The following GET4 variants were observed in gnomAD, a reference collection of about 807,000 sequenced individuals.
The protein encoded by GET4 is Golgi to ER traffic protein 4 homolog.
Under a neutral mutation model 40.0 loss-of-function variants are expected in GET4, and 20 were observed. The observed-to-expected ratio is 0.50, with a 90% CI of 0.35 to 0.73. The LOEUF (loss-of-function observed/expected upper bound fraction) is 0.73, where lower values mean the gene tolerates loss of function less well. Ranked by LOEUF, GET4 falls within the 30% of genes least tolerant of loss-of-function variation. The probability of loss-of-function intolerance (pLI) is 0.01; values close to 1 mark genes in which losing one functional copy is unlikely to be tolerated. For synonymous variants in GET4, 280 were observed against 194.6 expected (o/e 1.44, Z -3.65); for missense variants, 557 against 454.0 (o/e 1.23, Z -2.06).
chr7:883,375 A>T, intron 1 of GET4: 2 of 301,832 alleles, frequency 6.6e-6, no homozygotes, highest in Non-Finnish European at 9.8e-6. Context: ...GCCAAGAGAG[A>T]AGGGCGGGAT....
At chr7:892,085 G>C (rs1844337003) in intron 5 of GET4, among the ~76,000 whole-genome samples, 193 bp from the exon 6 acceptor site, 1 of 152,278 alleles carries the variant, frequency 6.6e-6, no homozygotes, top group African/African-American at 2.4e-5. Flanking sequence ...CTCTTCACCT[G>C]TGAATTGCAG....
At chr7:891,946 T>C (rs1844332676) in intron 5 of GET4, among the ~76,000 whole-genome samples, 1 of 152,248 alleles carries the variant, frequency 6.6e-6, no homozygotes, top group Admixed American at 6.5e-5. Context: ...TGGCGGAGTG[T>C]TCTGGTGCGG....
At chr7:888,624 C>T (rs564219745) in intron 4 of GET4, among the ~76,000 whole-genome samples, 1 of 152,364 alleles carries the variant, frequency 6.6e-6, no homozygotes, top group East Asian at 1.9e-4. Context: ...TATCTCTTGC[C>T]TCAGTCTCCC....
chr7:891,408 T>G (rs112602461), intron 5 of GET4, among the ~76,000 whole-genome samples: 54 of 152,144 alleles, frequency 3.5e-4, no homozygotes, highest in Non-Finnish European at 7.4e-4. Context: ...CGTGGAATTG[T>G]GAGCATCTAC....
At chr7:878,104 A>G in intron 1 of GET4, 1 of 334,618 alleles carries the variant, frequency 3.0e-6, no homozygotes, top group East Asian at 7.9e-5. Flanking sequence ...TGCCGAACCG[A>G]GTCAGCCGCC....
intron 3 of GET4, 138 bp from the exon 4 acceptor site, chr7:887,232 A>T: frequency 1.1e-6 from 1 of 883,900 alleles, no homozygotes; most frequent in Non-Finnish European, 1.9e-6. Context: ...GTGGTGGTCC[A>T]CGGCTCACTC....
chr7:890,821 C>T, intron 4 of GET4, 107 bp from the exon 5 acceptor site: 1 of 904,532 alleles, frequency 1.1e-6, no homozygotes, highest in Non-Finnish European at 1.8e-6. Context: ...GGGCTCTCCT[C>T]CAGGGCGGGC....
At position 895,841 on chromosome 7, in the gene GET4, C is replaced by T. The variant is rs886991855; in HGVS notation, c.*419C>T. 1 of 154,718 alleles carries T rather than the reference C, an allele frequency of 6.5e-6. No individual in the cohort carries two copies. The highest frequency in any genetic ancestry group is 1.9e-4 in the East Asian group (1 of 5,312). The allele number at this position is 154,718 out of a possible 1,614,324, so 9.6% of individuals were successfully genotyped here. On this transcript the variant is annotated 3_prime_UTR_variant, in exon 9 of 9. Coordinates refer to ENST00000265857, the MANE Select transcript of GET4 (RefSeq NM_015949.3). Reference sequence around the variant, plus strand: ...CCAAAGCAGGTGCTGGCCCTCGGACCTGAGAGCCCAGCCAGGGCCCATGTG... The same window carrying T: ...CCAAAGCAGGTGCTGGCCCTCGGACTTGAGAGCCCAGCCAGGGCCCATGTG...
chr7:878,196 A>G lies in GET4; in HGVS notation c.155+1396A>G, dbSNP rs1300881833. ...GAGCAGAGCTGGCTATGCTGGGTTA[A>G]CTGCACGCCCCTCGGGACTGTGACC... is the stretch of plus-strand genomic sequence containing the variant. On this transcript the variant is annotated intron_variant, in intron 1 of 8. Coordinates refer to ENST00000265857, the MANE Select transcript of GET4 (RefSeq NM_015949.3). 1.1e-5 allele frequency: 5 copies of G among 463,802 alleles called. No homozygotes were observed. The East Asian group carries it at 2.8e-4, about 26-fold the overall frequency. 28.7% of individuals were successfully genotyped at this position (463,802 alleles called of 1,614,324 possible).
At chr7:889,451 G>C (rs923194859) in intron 4 of GET4, among the ~76,000 whole-genome samples, 3 of 152,244 alleles carry the variant, frequency 2.0e-5, no homozygotes, top group Admixed American at 2.0e-4. Context: ...GGAGTGGAGG[G>C]AGACAGCAGG....
intron 1 of GET4, chr7:884,795 T>G (rs1844155381): frequency 6.3e-6 from 1 of 158,764 alleles, no homozygotes; most frequent in African/African-American, 2.4e-5. Context: ...TTTGTTTGTT[T>G]GTTTTGGGGG....
intron 1 of GET4, 42 bp from the exon 2 acceptor site, chr7:886,014 G>A (rs377145459): frequency 9.4e-5 from 112 of 1,191,688 alleles, no homozygotes; most frequent in Middle Eastern, 1.9e-4. Flanking sequence ...GCGCGGTGGC[G>A]AGGGCACGTG....
At chr7:892,993 G>C (rs10237578) in intron 6 of GET4, among the ~76,000 whole-genome samples, 120,381 of 149,476 alleles carry the variant, frequency 0.81, 48,600 homozygotes, top group East Asian at 1. Flanking sequence ...AAGTGTTGGG[G>C]GCGGGCGTGG....
At chr7:894,530 A>G (rs986582538) in intron 8 of GET4, among the ~76,000 whole-genome samples, 3 of 152,044 alleles carry the variant, frequency 2.0e-5, no homozygotes, top group Non-Finnish European at 4.4e-5. Context: ...GTCCTGTGGC[A>G]GGCCCTGTCC....
In GET4 at chr7:890,938, T is replaced by C. The variant is rs144728016; in HGVS notation, c.477T>C (p.Tyr159=). Residue 159 remains tyrosine, a synonymous_variant, in exon 5 of 9, where the codon TAT becomes TAC. Transcript: ENST00000265857. The part of the protein sequence containing the change: ...LALTLWKEQN[Y]CESRYHFLHS... The stretch of plus-strand genomic sequence containing the variant: ...GTCTTTCCTTTGCAGAACAAAACTA[T>C]TGTGAGTCGAGGTATCATTTTCTGC... 10 of 1,605,678 alleles carry C rather than the reference T, an allele frequency of 6.2e-6. No homozygotes were observed. The highest frequency in any genetic ancestry group is 1.7e-5 in the Admixed American group (1 of 59,954).
rs1844308678 is a variant in GET4, at chr7:890,956, T to C, written c.495T>C (p.His165=). Residue 165 remains histidine (H), a synonymous_variant, in exon 5 of 9, where the codon CAT becomes CAC. Transcript: ENST00000265857. ...KEQNYCESRY[H]FLHSADGEGC... is the part of the protein sequence containing the mutation. Reference sequence around the variant, plus strand: ...AAAACTATTGTGAGTCGAGGTATCATTTTCTGCACTCAGCGGACGGGGAGG... The same window carrying C: ...AAAACTATTGTGAGTCGAGGTATCACTTTCTGCACTCAGCGGACGGGGAGG... 1 of 1,608,710 alleles carries C rather than the reference T, an allele frequency of 6.2e-7. No individual in the cohort carries two copies. Among genetic ancestry groups the C allele is most frequent in the African/African-American group, 1.3e-5 (1 of 74,790 alleles).
chr7:884,195 G>A (rs1844142185), intron 1 of GET4: 4 of 1,302,596 alleles, frequency 3.1e-6, no homozygotes, highest in Non-Finnish European at 4.0e-6. Context: ...GCTTGCTCAG[G>A]GTCGGTGCAT....
At chr7:886,393 T>G in intron 2 of GET4, 176 bp from the exon 3 acceptor site, 1 of 623,318 alleles carries the variant, frequency 1.6e-6, no homozygotes, top group Non-Finnish European at 2.9e-6. Context: ...CATTTTCATG[T>G]GATTCTCGGC....
chr7:878,983 C>CA (rs200672418), intron 1 of GET4, among the ~76,000 whole-genome samples: 2 of 152,142 alleles, frequency 1.3e-5, no homozygotes, highest in South Asian at 2.1e-4. Flanking sequence ...GACACCCCCC[C>CA]CCGAGTAGAG....
Sources: allele counts gnomAD v4.1 joint callset (sites outside exome capture counted in the v4.1 genomes callset), GRCh38; gene constraint gnomAD v4.1.1; transcripts MANE v1.5; gene names NCBI Gene and HGNC (gene_info 2026-07-23, HGNC 2026-07-21).